Variants in NKAIN3 observed in about 807,000 individuals in gnomAD.
The protein encoded by NKAIN3 is sodium/potassium-transporting ATPase subunit beta-1-interacting protein 3.
A neutral mutation model predicts 30.2 loss-of-function variants in NKAIN3; 25 were observed. The ratio of observed to expected loss-of-function variants is 0.83; its 90% CI spans 0.60 to 1.16. The LOEUF (loss-of-function observed/expected upper bound fraction) is 1.16, where lower values mean the gene tolerates loss of function less well. Among genes scored for constraint, NKAIN3 ranks in the 50% most tolerant of loss-of-function variants. The pLI is 0.00. For synonymous variants in NKAIN3, 91 were observed against 89.6 expected, an observed-to-expected ratio of 1.02 and a Z score of -0.09; for missense variants, 225 against 254.1, an observed-to-expected ratio of 0.89 and a Z score of 0.78.
In NKAIN3 at chr8:62,317,933, TG is replaced by T. The variant is rs559607160; in HGVS notation, c.54+68807del. Among the ~76,000 whole-genome samples, 532 of 152,338 alleles carry T rather than the reference TG, an allele frequency of 3.5e-3. 1 individual carries two copies. Among genetic ancestry groups the T allele is most frequent in the Admixed American group, 8.9e-3 (136 of 15,306 alleles). On this transcript the variant is annotated intron_variant, in intron 1 of 6. Coordinates refer to ENST00000623646, the MANE Select transcript of NKAIN3 (RefSeq NM_001304533.3). ...AGCATGGAATATTCTTCCATTTGTT[TG>T]TATCCTCTTGTATTTCATTGAGCAG... is the stretch of plus-strand genomic sequence containing the variant.
At chr8:62,422,184 A>C (rs529709295) in intron 1 of NKAIN3, among the ~76,000 whole-genome samples, 2 of 152,218 alleles carry the variant, frequency 1.3e-5, no homozygotes, top group Non-Finnish European at 2.9e-5. Context: ...GTTTACTTTG[A>C]ATGTTGAGTG....
rs75256776 is a variant in NKAIN3, at chr8:62,549,244, G to A, written c.55-30295G>A. On this transcript the variant is annotated intron_variant, in intron 1 of 6. Transcript: ENST00000623646. ...CAGGCACTCAGTAAAATGAGTAATA[G>A]TCTGTCAGTAATTCACCTTATTAAA... 2.6e-5 allele frequency among the ~76,000 whole-genome samples: 4 copies of A among 152,140 alleles called. No homozygotes were observed. In the East Asian group the frequency reaches 5.8e-4, roughly 22 times the overall value.
intron 1 of NKAIN3, among the ~76,000 whole-genome samples, chr8:62,424,252 A>C (rs1804731659): frequency 6.6e-6 from 1 of 152,012 alleles, no homozygotes; most frequent in Admixed American, 6.6e-5. Flanking sequence ...ACATTAGTCT[A>C]GGCAAAAATT....
chr8:62,998,272 C>CT (rs969458493), intron 5 of NKAIN3, among the ~76,000 whole-genome samples: 16 of 150,840 alleles, frequency 1.1e-4, no homozygotes, highest in Non-Finnish European at 1.6e-4. Flanking sequence ...CTCTCTCTCT[C>CT]TTTTTTTTTC....
chr8:62,696,271 T>A (rs1287726384), intron 3 of NKAIN3, among the ~76,000 whole-genome samples: 1 of 152,194 alleles, frequency 6.6e-6, no homozygotes, highest in East Asian at 1.9e-4. Context: ...TTCATTGTAA[T>A]GGAGTAAGAA....
chr8:62,863,043 A>G (rs1820302364), intron 4 of NKAIN3: 1 of 775,104 alleles, frequency 1.3e-6, no homozygotes, highest in Non-Finnish European at 2.2e-6. Flanking sequence ...GTGACTATGG[A>G]GACTCTAGGT....
intron 4 of NKAIN3, among the ~76,000 whole-genome samples, chr8:62,819,320 G>A (rs1818782664): frequency 1.3e-5 from 2 of 151,752 alleles, no homozygotes; most frequent in Admixed American, 6.6e-5. Flanking sequence ...GAAGATAGAT[G>A]ACATATGATG....
intron 4 of NKAIN3, among the ~76,000 whole-genome samples, chr8:62,763,553 CAA>C (rs748470026): frequency 7.2e-4 from 109 of 152,152 alleles, no homozygotes; most frequent in Middle Eastern, 6.8e-3. Flanking sequence ...TACTTAGTAA[CAA>C]AGATAATCAG....
At chr8:62,415,842 C>G (rs62509253) in intron 1 of NKAIN3, among the ~76,000 whole-genome samples, 2,121 of 151,974 alleles carry the variant, frequency 0.014, 19 homozygotes, top group Non-Finnish European at 0.02. Context: ...ACGGCAAGCT[C>G]TGCCTCCCGG....
intron 1 of NKAIN3, among the ~76,000 whole-genome samples, chr8:62,294,654 T>G (rs1410687077): frequency 6.6e-6 from 1 of 152,052 alleles, no homozygotes; most frequent in Admixed American, 6.6e-5. Flanking sequence ...TTTCAGCTAT[T>G]TTCCCACCTT....
intron 4 of NKAIN3, among the ~76,000 whole-genome samples, chr8:62,885,072 C>T (rs1821105040): frequency 6.6e-6 from 1 of 152,000 alleles, no homozygotes; most frequent in Non-Finnish European, 1.5e-5. Flanking sequence ...AAAGTAGGAG[C>T]TTAGATTATT....
intron 5 of NKAIN3, among the ~76,000 whole-genome samples, chr8:62,928,344 C>T (rs1822512160): frequency 6.6e-6 from 1 of 152,196 alleles, no homozygotes; most frequent in African/African-American, 2.4e-5. Context: ...CCCTCTCTCT[C>T]TTTCTCGCTG....
chr8:62,581,171 A>T (rs1433872512), intron 2 of NKAIN3, among the ~76,000 whole-genome samples: 7 of 150,054 alleles, frequency 4.7e-5, no homozygotes, highest in Admixed American at 4.7e-4. Flanking sequence ...ATAAAATAAA[A>T]ATACAGTAGC....
chr8:62,421,047 T>A (rs781389688), intron 1 of NKAIN3, among the ~76,000 whole-genome samples: 6 of 152,194 alleles, frequency 3.9e-5, no homozygotes, highest in Non-Finnish European at 7.3e-5. Flanking sequence ...GCATGCAGCC[T>A]ACCACACAAC....
chr8:62,280,048 G>A (rs142866596), intron 1 of NKAIN3, among the ~76,000 whole-genome samples: 1,827 of 152,076 alleles, frequency 0.012, 48 homozygotes, highest in African/African-American at 0.041. Flanking sequence ...CTTTTATTTC[G>A]TGGAGCAGTG....
At chr8:62,541,799 G>T (rs1808848741) in intron 1 of NKAIN3, among the ~76,000 whole-genome samples, 1 of 151,736 alleles carries the variant, frequency 6.6e-6, no homozygotes, top group Non-Finnish European at 1.5e-5. Flanking sequence ...TTATTTTTCT[G>T]AAAATATAAA....
chr8:62,709,882 C>A (rs1383532858), intron 3 of NKAIN3, among the ~76,000 whole-genome samples: 1 of 152,012 alleles, frequency 6.6e-6, no homozygotes, highest in Non-Finnish European at 1.5e-5. Context: ...CCTCTTAGCA[C>A]CGCCTTTGCT....
chr8:62,435,980 T>C (rs1805161012), intron 1 of NKAIN3, among the ~76,000 whole-genome samples: 1 of 152,196 alleles, frequency 6.6e-6, no homozygotes, highest in African/African-American at 2.4e-5. Context: ...TTTAACACAA[T>C]TAATTGTACT....
chr8:62,504,843 T>G (rs1007237242), intron 1 of NKAIN3, among the ~76,000 whole-genome samples: 2 of 152,198 alleles, frequency 1.3e-5, no homozygotes, highest in African/African-American at 4.8e-5. Context: ...CTTTCTGCTC[T>G]AGTAACACCA....
Sources: allele counts gnomAD v4.1 joint callset (sites outside exome capture counted in the v4.1 genomes callset), GRCh38; gene constraint gnomAD v4.1.1; transcripts MANE v1.5; gene names NCBI Gene and HGNC (gene_info 2026-07-23, HGNC 2026-07-21).